The following PARD3 variants were observed in gnomAD, a reference collection of about 807,000 sequenced individuals.
The protein encoded by PARD3 is partitioning defective 3 homolog.
In PARD3, 75 loss-of-function variants were observed where a neutral mutation model predicts 155.4. The ratio of observed to expected loss-of-function variants is 0.48; its 90% CI spans 0.40 to 0.58. The LOEUF is 0.58. Among genes scored for constraint, PARD3 ranks in the 20% least tolerant of loss-of-function variants. The pLI is 0.00. For missense variants in PARD3, 1,642 were observed against 1,721.7 expected (o/e 0.95, Z 0.82); for synonymous variants, 576 against 610.5 (o/e 0.94, Z 0.83).
At chr10:34,113,637 G>A (rs1332436279) in intron 24 of PARD3, among the ~76,000 whole-genome samples, 1 of 152,010 alleles carries the variant, frequency 6.6e-6, no homozygotes, top group Non-Finnish European at 1.5e-5. Flanking sequence ...GAGACCAAGG[G>A]AAGGAAACAG....
chr10:34,560,945 G>A lies in PARD3; in HGVS notation c.223-43786C>T, dbSNP rs1018744859. Reference sequence around the variant, plus strand: ...CAAACTGCTCTCAGACCTTCCCTCTGGGCATGTGCGCAGGTGAGGACTCCC... The same window carrying A: ...CAAACTGCTCTCAGACCTTCCCTCTAGGCATGTGCGCAGGTGAGGACTCCC... On this transcript the variant is annotated intron_variant, in intron 2 of 24. Transcript: ENST00000374788. 2.0e-5 allele frequency among the ~76,000 whole-genome samples: 3 copies of A among 152,122 alleles called. No homozygotes were observed. In the East Asian group the frequency reaches 5.8e-4, roughly 29 times the overall value.
At chr10:34,355,864 G>T (rs1187389858) in intron 14 of PARD3, among the ~76,000 whole-genome samples, 2 of 143,200 alleles carry the variant, frequency 1.4e-5, no homozygotes, top group Non-Finnish European at 3.0e-5. Flanking sequence ...GGCGGAGGTT[G>T]CAGTGAGCCA....
intron 22 of PARD3, among the ~76,000 whole-genome samples, chr10:34,195,718 T>C (rs1950904159): frequency 6.6e-6 from 1 of 152,178 alleles, no homozygotes; most frequent in Non-Finnish European, 1.5e-5. Context: ...AACATGTATT[T>C]AGAGTCATGT....
intron 3 of PARD3, among the ~76,000 whole-genome samples, chr10:34,475,084 C>G (rs1398190189): frequency 1.3e-5 from 2 of 152,152 alleles, no homozygotes; most frequent in South Asian, 2.1e-4. Flanking sequence ...CCCTTTCACA[C>G]TCTAAAAATT....
chr10:34,112,808 C>T (rs1358209045), intron 24 of PARD3, among the ~76,000 whole-genome samples: 2 of 152,180 alleles, frequency 1.3e-5, no homozygotes, highest in Admixed American at 6.5e-5. Flanking sequence ...TAGTTGGGAA[C>T]ATTTTCAGTA....
chr10:34,515,819 T>TTA (rs1004980065), intron 3 of PARD3, among the ~76,000 whole-genome samples: 14 of 151,976 alleles, frequency 9.2e-5, no homozygotes, highest in South Asian at 4.1e-4. Context: ...TGTATCTTAA[T>TTA]TATATATATA....
At chr10:34,450,953 T>C (rs2132798180) in intron 4 of PARD3, among the ~76,000 whole-genome samples, 1 of 152,344 alleles carries the variant, frequency 6.6e-6, no homozygotes, top group South Asian at 2.1e-4. Flanking sequence ...TTTAGATTAT[T>C]CAGGCTGTTT....
chr10:34,254,373 T>C (rs1954527414), intron 22 of PARD3, among the ~76,000 whole-genome samples: 1 of 140,376 alleles, frequency 7.1e-6, no homozygotes. Context: ...AGCAAGACTC[T>C]GTCTCAAAAA....
At chr10:34,148,639 C>T (rs1449687811) in intron 22 of PARD3, among the ~76,000 whole-genome samples, 2 of 152,240 alleles carry the variant, frequency 1.3e-5, no homozygotes, top group Admixed American at 6.5e-5. Context: ...AGATAAGTGG[C>T]ATCATACAGA....
chr10:34,317,016 T>A (rs1958049487), intron 20 of PARD3, 91 bp downstream of exon 20: 1 of 1,190,822 alleles, frequency 8.4e-7, no homozygotes, highest in African/African-American at 1.5e-5. Flanking sequence ...ATTACAGGTG[T>A]GCACTACCGT....
chr10:34,803,448 T>C (rs996479435), intron 1 of PARD3, among the ~76,000 whole-genome samples: 1 of 152,078 alleles, frequency 6.6e-6, no homozygotes, highest in African/African-American at 2.4e-5. Context: ...TTTGCAAACA[T>C]CTGTGTGAGT....
intron 2 of PARD3, among the ~76,000 whole-genome samples, chr10:34,540,634 G>A (rs2083542988): frequency 6.6e-6 from 1 of 152,032 alleles, no homozygotes; most frequent in African/African-American, 2.4e-5. Context: ...AGAAATATTA[G>A]CCAGGCGTGG....
At chr10:34,415,935 G>A (rs1007520840) in intron 5 of PARD3, among the ~76,000 whole-genome samples, 7 of 152,174 alleles carry the variant, frequency 4.6e-5, no homozygotes, top group Non-Finnish European at 8.8e-5. Context: ...AAGATGAGTA[G>A]GAGGACAGAA....
At chr10:34,338,929 G>T (rs1382008786) in intron 16 of PARD3, among the ~76,000 whole-genome samples, 1 of 152,218 alleles carries the variant, frequency 6.6e-6, no homozygotes, top group Non-Finnish European at 1.5e-5. Flanking sequence ...ACCCAATGAA[G>T]ACTATCTCAA....
chr10:34,260,581 C>T (rs2133801210), intron 22 of PARD3, among the ~76,000 whole-genome samples: 1 of 152,274 alleles, frequency 6.6e-6, no homozygotes, highest in East Asian at 1.9e-4. Context: ...GGAGAAGGAG[C>T]TAGCCAAGGC....
At chr10:34,247,582 A>C (rs1185519749) in intron 22 of PARD3, among the ~76,000 whole-genome samples, 1 of 152,214 alleles carries the variant, frequency 6.6e-6, no homozygotes, top group Non-Finnish European at 1.5e-5. Flanking sequence ...AGAATTTTTA[A>C]AAAGATGCTT....
chr10:34,615,696 T>C (rs1339927061), intron 2 of PARD3, among the ~76,000 whole-genome samples: 1 of 152,194 alleles, frequency 6.6e-6, no homozygotes, highest in Non-Finnish European at 1.5e-5. Flanking sequence ...GTGCAAACTA[T>C]TCATCCACCA....
intron 2 of PARD3, among the ~76,000 whole-genome samples, chr10:34,571,444 A>G (rs984979474): frequency 5.3e-5 from 8 of 152,200 alleles, no homozygotes; most frequent in African/African-American, 1.9e-4. Context: ...AGCAGCTAAC[A>G]TTGACATGCA....
At chr10:34,258,179 G>A (rs1365816176) in intron 22 of PARD3, among the ~76,000 whole-genome samples, 1 of 152,114 alleles carries the variant, frequency 6.6e-6, no homozygotes, top group African/African-American at 2.4e-5. Flanking sequence ...ATAAGCCACA[G>A]AATTATTTTA....
Sources: gnomAD v4.1 joint callset for allele counts (sites outside exome capture counted in the v4.1 genomes callset) on GRCh38, gnomAD v4.1.1 for gene constraint, MANE v1.5 for transcripts, NCBI Gene and HGNC (gene_info 2026-07-23, HGNC 2026-07-21) for gene names.